Variants in PDE11A observed in about 807,000 individuals in gnomAD.
The protein encoded by PDE11A is phosphodiesterase 11A, also known as dual 3',5'-cyclic-AMP and -GMP phosphodiesterase 11A.
Under a neutral mutation model 100.5 loss-of-function variants are expected in PDE11A, and 100 were observed. The observed-to-expected ratio is 1.00, with a 90% CI of 0.85 to 1.18. The LOEUF is 1.18. Ranked by LOEUF, PDE11A falls within the 50% of genes most tolerant of loss-of-function variation. PDE11A has a pLI of 0.00. For missense variants in PDE11A, 1,141 were observed against 1,152.6 expected (o/e 0.99, Z 0.15); for synonymous variants, 381 against 420.8 (o/e 0.91, Z 1.16).
intron 18 of PDE11A, among the ~76,000 whole-genome samples, chr2:177,666,339 T>C (rs546285241): frequency 5.3e-5 from 8 of 152,370 alleles, no homozygotes; most frequent in Admixed American, 3.3e-4. Flanking sequence ...TTCCAGGATA[T>C]TATGAATAAT....
intron 2 of PDE11A, among the ~76,000 whole-genome samples, chr2:177,924,818 T>C (rs1384984143): frequency 4.7e-5 from 7 of 149,666 alleles, no homozygotes; most frequent in Non-Finnish European, 8.9e-5. Context: ...CATGCTGGTG[T>C]GCTGCACCCA....
At chr2:177,848,554 C>T (rs1316671701) in intron 5 of PDE11A, among the ~76,000 whole-genome samples, 2 of 152,164 alleles carry the variant, frequency 1.3e-5, no homozygotes. Context: ...AGATTCTTCT[C>T]AGTGGTATCT....
chr2:177,631,310 A>AAAAAAAAAAAAAAAAC (rs2079917758), intron 19 of PDE11A, among the ~76,000 whole-genome samples: 1 of 41,404 alleles, frequency 2.4e-5, no homozygotes, highest in Non-Finnish European at 5.4e-5. Context: ...AAAAAAAAAA[A>AAAAAAAAAAAAAAAAC]CAAAAAAAAA....
rs113114203 is a variant in PDE11A, at chr2:177,624,119, C to T, written c.*5288G>A. ...TTTGAGTTTTGGGAGTTCTTTACAG[C>T]ATGTAGCAGAATAACAATTTCAGAG... On this transcript the variant is annotated 3_prime_UTR_variant, in exon 20 of 20. Coordinates refer to ENST00000286063, the MANE Select transcript of PDE11A (RefSeq NM_016953.4). The T allele has an allele frequency of 2.4e-3, 361 of 152,286 alleles. No homozygotes were observed. Among genetic ancestry groups the T allele is most frequent in the African/African-American group, 8.2e-3 (342 of 41,554 alleles). The allele number at this position is 152,286 out of a possible 1,614,324, so 9.4% of individuals were successfully genotyped here. A position where few individuals can be genotyped will look rare whatever the true frequency, so the allele number is the denominator to read the frequency against.
chr2:177,736,051 T>C (rs892950066), intron 10 of PDE11A, among the ~76,000 whole-genome samples: 1 of 152,194 alleles, frequency 6.6e-6, no homozygotes, highest in East Asian at 1.9e-4. Flanking sequence ...CTCCTGGGAA[T>C]ATTTGAAGAC....
chr2:177,758,049 C>G (rs1042759490), intron 10 of PDE11A, among the ~76,000 whole-genome samples: 20 of 151,762 alleles, frequency 1.3e-4, no homozygotes, highest in African/African-American at 4.8e-4. Context: ...GTAATCCCAG[C>G]ACTTTCGGAG....
chr2:177,824,329 A>G (rs1055252943), intron 6 of PDE11A, among the ~76,000 whole-genome samples: 1 of 152,226 alleles, frequency 6.6e-6, no homozygotes, highest in African/African-American at 2.4e-5. Context: ...GTAAGATTTA[A>G]GTTAATTGCA....
At chr2:177,660,432 A>T (rs1215627342) in intron 19 of PDE11A, among the ~76,000 whole-genome samples, 3 of 152,068 alleles carry the variant, frequency 2.0e-5, no homozygotes, top group Non-Finnish European at 2.9e-5. Flanking sequence ...GACAATATAT[A>T]TGGTAAAGAG....
In PDE11A at chr2:177,715,794, CCTT is replaced by C. The variant is rs1225849768; in HGVS notation, c.2044-3919_2044-3917del. ...CCGTATTGCCTTTTTTCTCTGAACTCCTTCTTTTCTCTGTGTTTGGTGGTTTCT... is the reference window on the plus strand; with the variant it reads ...CCGTATTGCCTTTTTTCTCTGAACTCCTTTTCTCTGTGTTTGGTGGTTTCT... On this transcript the variant is annotated intron_variant, in intron 12 of 19. Transcript: ENST00000286063. 3.9e-5 allele frequency among the ~76,000 whole-genome samples: 6 copies of C among 152,186 alleles called. 1 individual carries two copies. The South Asian group carries it at 6.2e-4, about 16-fold the overall frequency.
chr2:177,907,867 G>A (rs949902483), intron 2 of PDE11A, among the ~76,000 whole-genome samples: 1 of 152,174 alleles, frequency 6.6e-6, no homozygotes, highest in African/African-American at 2.4e-5. Context: ...CTGGGGTCAG[G>A]GAACCAGCAA....
At chr2:177,812,274 A>C (rs2082960431) in intron 9 of PDE11A, among the ~76,000 whole-genome samples, 2 of 152,120 alleles carry the variant, frequency 1.3e-5, no homozygotes, top group African/African-American at 4.8e-5. Context: ...TGAGAGGTTA[A>C]GTAGCTTGCC....
rs112093506 is a variant in PDE11A at position 177,761,292 on chromosome 2, G to A, written c.1788+8031C>T. Among the ~76,000 whole-genome samples the A allele has an allele frequency of 8.7e-3, 1,320 of 152,168 alleles. 13 individuals are homozygous for A. The highest frequency in any genetic ancestry group is 0.025 in the African/African-American group (1,055 of 41,512). On this transcript the variant is annotated intron_variant, in intron 10 of 19. Transcript: ENST00000286063. ...AACAACCAGGAACATAAAAACAAGG[G>A]GTTTCAAACAGCATAAAGCAAGGAT...
chr2:178,035,265 T>A (rs1204755125), intron 1 of PDE11A, among the ~76,000 whole-genome samples: 2 of 152,028 alleles, frequency 1.3e-5, no homozygotes, highest in Non-Finnish European at 2.9e-5. Context: ...TCAAATAAAC[T>A]AGAAAATCTA....
chr2:177,956,725 C>A (rs1401557313), intron 2 of PDE11A, among the ~76,000 whole-genome samples: 1 of 152,196 alleles, frequency 6.6e-6, no homozygotes, highest in Non-Finnish European at 1.5e-5. Flanking sequence ...GAATACTATG[C>A]AGCCATAAAA....
chr2:177,806,162 G>T (rs1393541679), intron 9 of PDE11A, among the ~76,000 whole-genome samples: 2 of 152,152 alleles, frequency 1.3e-5, no homozygotes, highest in Non-Finnish European at 2.9e-5. Context: ...ACAGGAATTT[G>T]CTGTGAAATT....
At chr2:178,066,437 C>T (rs1187587427) in intron 1 of PDE11A, among the ~76,000 whole-genome samples, 1 of 152,196 alleles carries the variant, frequency 6.6e-6, no homozygotes. Context: ...TCCAATGGAA[C>T]AATGGAGTAT....
rs73028315 is a variant in PDE11A at position 177,713,306 on chromosome 2, G to A, written c.2044-1428C>T. ...TTATAGGTGTGAGCCTCCACGCCTG[G>A]CTGACAATTTTATTTTAATAAATAG... is the stretch of plus-strand genomic sequence containing the variant. On this transcript the variant is annotated intron_variant, in intron 12 of 19. Transcript: ENST00000286063. Among the ~76,000 whole-genome samples the A allele has an allele frequency of 6.7e-3, 1,024 of 152,236 alleles. 13 individuals carry two copies. Among genetic ancestry groups the A allele is most frequent in the African/African-American group, 0.023 (953 of 41,544 alleles).
chr2:177,719,143 C>G (rs1043213422), intron 12 of PDE11A, among the ~76,000 whole-genome samples: 20 of 152,136 alleles, frequency 1.3e-4, no homozygotes, highest in Non-Finnish European at 4.4e-5. Context: ...ACTGCACACC[C>G]TTGCCATGTG....
upstream of PDE11A, among the ~76,000 whole-genome samples, chr2:178,074,684 G>C (rs2087185299): frequency 6.6e-6 from 1 of 152,188 alleles, no homozygotes; most frequent in Non-Finnish European, 1.5e-5. Context: ...CTGTGCTTTT[G>C]ACTAAAGATC....
Sources: gnomAD v4.1 joint callset for allele counts (sites outside exome capture counted in the v4.1 genomes callset) on GRCh38, gnomAD v4.1.1 for gene constraint, MANE v1.5 for transcripts, NCBI Gene and HGNC (gene_info 2026-07-23, HGNC 2026-07-21) for gene names.